TTC34: variants seen among roughly 807,000 people sequenced by gnomAD.
TTC34 encodes tetratricopeptide repeat protein 34.
Under a neutral mutation model 40.7 loss-of-function variants are expected in TTC34, and 44 were observed. The observed-to-expected ratio is 1.08, with a 90% CI of 0.85 to 1.39. The LOEUF is 1.39. TTC34 is among the 40% of genes most tolerant of loss of function. The pLI is 0.00. For missense variants in TTC34, 884 were observed against 838.0 expected, an observed-to-expected ratio of 1.05 and a Z score of -0.68; for synonymous variants, 422 against 398.6, an observed-to-expected ratio of 1.06 and a Z score of -0.70.
chr1:2,752,518 A>G (rs1451310584), intron 6 of TTC34, among the ~76,000 whole-genome samples: 1 of 135,254 alleles, frequency 7.4e-6, no homozygotes, highest in African/African-American at 3.0e-5. Context: ...GACAGCCTGG[A>G]GCAGCACCCA....
chr1:2,797,859 C>T (rs1643724763), intron 2 of TTC34, among the ~76,000 whole-genome samples: 1 of 152,046 alleles, frequency 6.6e-6, no homozygotes, highest in South Asian at 2.1e-4. Context: ...GTTCCTGACC[C>T]TCCTTCTCTG....
At chr1:2,674,606 T>G (rs1570786200) in intron 6 of TTC34, among the ~76,000 whole-genome samples, 1 of 23,238 alleles carries the variant, frequency 4.3e-5, no homozygotes, top group Non-Finnish European at 8.8e-5. Context: ...CACCCCCAGG[T>G]GAGCATCTGA....
At chr1:2,691,273 A>C (rs61765712) in intron 6 of TTC34, among the ~76,000 whole-genome samples, 755 of 12,628 alleles carry the variant, frequency 0.06, no homozygotes, top group Middle Eastern at 0.14. Flanking sequence ...CCCAGGTGAG[A>C]ATCCGACAGC....
chr1:2,794,432 G>A (rs921133493), intron 2 of TTC34, among the ~76,000 whole-genome samples: 4 of 152,136 alleles, frequency 2.6e-5, no homozygotes, highest in Non-Finnish European at 4.4e-5. Flanking sequence ...TTTGTTGCTG[G>A]TATTTATAAA....
exon 8 of TTC34, chr1:2,644,403 C>A: frequency 6.5e-7 from 1 of 1,535,964 alleles, no homozygotes; most frequent in Non-Finnish European, 8.7e-7. Flanking sequence ...CAGGCCCAGC[C>A]GGGCCCGGGC....
chr1:2,767,396 C>A, intron 6 of TTC34, among the ~76,000 whole-genome samples: 1 of 140,618 alleles, frequency 7.1e-6, no homozygotes, highest in Non-Finnish European at 1.5e-5. Context: ...GGAGCAGCAC[C>A]CACACCCCCA....
In TTC34 at chr1:2,694,634, C is replaced by T. The variant is rs1313599841; in HGVS notation, c.2227-49071G>A. ...AACCACGGAGCAGCACCCACACCTC[C>T]CGGCGAGCATCTGACGGCCTGGAAC... On this transcript the variant is annotated intron_variant, in intron 6 of 8. Coordinates refer to ENST00000401095, the Ensembl canonical transcript of TTC34. Among the ~76,000 whole-genome samples the T allele has an allele frequency of 4.3e-5, 3 of 70,132 alleles. 1 individual carries two copies. The Admixed American group carries it at 4.3e-4, about 10-fold the overall frequency. The allele number at this position is 70,132 out of a possible 152,430, so 46.0% of individuals were successfully genotyped here. A position where few individuals can be genotyped will look rare whatever the true frequency, so the allele number is the denominator to read the frequency against.
chr1:2,780,903 T>A (rs190340429), intron 6 of TTC34, among the ~76,000 whole-genome samples: 2 of 152,376 alleles, frequency 1.3e-5, no homozygotes, highest in Admixed American at 6.5e-5. Context: ...GGAATGTGTT[T>A]CCATTTGTTT....
Position 2,687,563 on chromosome 1 carries a change from G to T in TTC34, c.2227-42000C>A, listed in dbSNP as rs1253147869. Among the ~76,000 whole-genome samples, 6 of 85,866 alleles carry T rather than the reference G, an allele frequency of 7.0e-5. No homozygotes were observed. In the South Asian group the frequency reaches 1.3e-3, roughly 19 times the overall value. The allele number at this position is 85,866 out of a possible 152,430, so 56.3% of individuals were successfully genotyped here. A position where few individuals can be genotyped will look rare whatever the true frequency, so the allele number is the denominator to read the frequency against. The stretch of plus-strand genomic sequence containing the variant: ...ATCTGACAGCATGGAGCAGCACGCT[G>T]CACCGCCAGGTGACGATCTGACAGC... On this transcript the variant is annotated intron_variant, in intron 6 of 8. Coordinates refer to ENST00000401095, the Ensembl canonical transcript of TTC34.
chr1:2,645,402 G>A lies in TTC34; in HGVS notation c.2388C>T (p.Leu796=), dbSNP rs974955718. 10 of 1,535,748 alleles carry A rather than the reference G, an allele frequency of 6.5e-6. No individual in the cohort carries two copies. The East Asian group carries it at 9.8e-5, about 15-fold the overall frequency. ...GGAGGCCCTGGGTGTCCTTGTCCTC[G>A]AGAGGGGCCCCAGTGTCTGGCAGCT... The change falls in exon 7 of 9, where the codon CTC becomes CTT. Residue 796 remains leucine, a synonymous_variant. Coordinates refer to ENST00000401095, the Ensembl canonical transcript of TTC34. The surrounding 1 kb of genome is among the most constrained non-coding windows in gnomAD (Gnocchi z 4.7).
intron 8 of TTC34, among the ~76,000 whole-genome samples, chr1:2,643,520 A>C (rs542778517): frequency 3.4e-4 from 52 of 152,058 alleles, no homozygotes; most frequent in African/African-American, 1.2e-3. Context: ...CCCACCTCGA[A>C]GACCCCAGCA....
At chr1:2,694,102 C>A (rs1399173110) in intron 6 of TTC34, among the ~76,000 whole-genome samples, 1 of 145,326 alleles carries the variant, frequency 6.9e-6, no homozygotes, top group African/African-American at 2.6e-5. Flanking sequence ...GGAACAGCAC[C>A]CTGCACCCCC....
At chr1:2,640,304 G>A (rs1638875677) in exon 9 of TTC34, 1 of 152,296 alleles carries the variant, frequency 6.6e-6, no homozygotes, top group South Asian at 2.1e-4. Flanking sequence ...GATGGGCAAA[G>A]GCTGGCTGCC....
rs1379714957 is a variant in TTC34, at chr1:2,755,010, G to C, written c.2226+28599C>G. ...GGCGAGCATCTCACAGCACGTAACA[G>C]CACCCACACACCCAAGTGAGCATCT... On this transcript the variant is annotated intron_variant, in intron 6 of 8. Coordinates refer to ENST00000401095, the Ensembl canonical transcript of TTC34. Among the ~76,000 whole-genome samples the C allele has an allele frequency of 4.9e-5, 3 of 61,018 alleles. 1 individual carries two copies. The highest frequency in any genetic ancestry group is 1.5e-4 in the Admixed American group (1 of 6,458). 40.0% of individuals were successfully genotyped at this position (61,018 alleles called of 152,430 possible). A position where few individuals can be genotyped will look rare whatever the true frequency, so the allele number is the denominator to read the frequency against.
intron 6 of TTC34, among the ~76,000 whole-genome samples, chr1:2,752,470 C>T (rs1641354716): frequency 2.0e-5 from 3 of 146,884 alleles, no homozygotes; most frequent in African/African-American, 5.1e-5. Flanking sequence ...GCGCACGTGA[C>T]AGCCTGGAAC....
chr1:2,788,222 G>A (rs1399889009), intron 3 of TTC34, among the ~76,000 whole-genome samples: 4 of 152,342 alleles, frequency 2.6e-5, no homozygotes, highest in East Asian at 1.9e-4. Flanking sequence ...TCAAAGCCAC[G>A]CAAATTAAAC....
In TTC34 at chr1:2,694,888, G is replaced by A. The variant is rs557558726; in HGVS notation, c.2227-49325C>T. Among the ~76,000 whole-genome samples the A allele has an allele frequency of 2.5e-4, 32 of 128,328 alleles. 5 individuals are homozygous for A. The highest frequency in any genetic ancestry group is 7.9e-4 in the African/African-American group (27 of 34,294). 84.2% of individuals were successfully genotyped at this position (128,328 alleles called of 152,430 possible). A position where few individuals can be genotyped will look rare whatever the true frequency, so the allele number is the denominator to read the frequency against. On this transcript the variant is annotated intron_variant, in intron 6 of 8. Coordinates refer to ENST00000401095, the Ensembl canonical transcript of TTC34. ...CACCCACAACCACAGGTGAGCATCC[G>A]ACAGCCTGGAACAGCACCCACACAC...
intron 6 of TTC34, among the ~76,000 whole-genome samples, chr1:2,699,065 C>CTGACAGCGT (rs1641004612): frequency 3.5e-5 from 2 of 56,424 alleles, no homozygotes; most frequent in Non-Finnish European, 1.0e-4. Context: ...AGGTGAGCAT[C>CTGACAGCGT]GGAGAGTCCG....
At chr1:2,783,150 G>C (rs1643511777) in intron 6 of TTC34, among the ~76,000 whole-genome samples, 2 of 152,208 alleles carry the variant, frequency 1.3e-5, no homozygotes, top group South Asian at 4.1e-4. Flanking sequence ...GGGTCCGGGG[G>C]CTGCATCCCT....
Sources: gnomAD v4.1 joint callset for allele counts (sites outside exome capture counted in the v4.1 genomes callset) on GRCh38, gnomAD v4.1.1 for gene constraint, Gnocchi (gnomAD v3.1) non-coding constraint, MANE v1.5 for transcripts, NCBI Gene and HGNC (gene_info 2026-07-23, HGNC 2026-07-21) for gene names.